STON2: variants seen among roughly 807,000 people sequenced by gnomAD.
STON2 encodes the protein stonin 2, also known as stonin-2.
A neutral mutation model predicts 65.7 loss-of-function variants in STON2; 29 were observed. The ratio of observed to expected loss-of-function variants is 0.44; its 90% CI spans 0.33 to 0.60. STON2 has a LOEUF of 0.60. Among genes scored for constraint, STON2 ranks in the 20% least tolerant of loss-of-function variants. STON2 has a pLI of 0.03. For synonymous variants in STON2, 404 were observed against 414.2 expected (o/e 0.98, Z 0.30); for missense variants, 1,054 against 1,118.1 (o/e 0.94, Z 0.82).
rs1894256034 is a variant in STON2 at position 81,263,848 on chromosome 14, C to G, written c.*4566G>C. The G allele has an allele frequency of 3.0e-6, 3 of 985,446 alleles. No individual in the cohort carries two copies. The highest frequency in any genetic ancestry group is 9.4e-5 in the South Asian group (2 of 21,282). The allele number at this position is 985,446 out of a possible 1,614,324, so 61.0% of individuals were successfully genotyped here. ...TCCCAAGGCTTTTAAGAAAAAACTT[C>G]AGCTCATTCTGTTTTCCCACCACTA... On this transcript the variant is annotated 3_prime_UTR_variant, in exon 8 of 8. Transcript: ENST00000614646.
chr14:81,269,492 G>A, intron 7 of STON2: 2 of 985,398 alleles, frequency 2.0e-6, no homozygotes, highest in African/African-American at 1.7e-5. Flanking sequence ...TTGAGCTCAG[G>A]GTTCAGGTTG....
Position 81,396,076 on chromosome 14 carries a change from G to A in STON2, c.191C>T (p.Ser64Phe), listed in dbSNP as rs1208067426. 1.2e-6 allele frequency: 2 copies of A among 1,614,146 alleles called. No homozygotes were observed. Among genetic ancestry groups the A allele is most frequent in the Non-Finnish European group, 8.5e-7 (1 of 1,180,028 alleles). ...HVVDGGSQDH[S>F]HSEQDDSSEK... is the part of the protein sequence containing the mutation. ...AGAGGAGTCATCCTGCTCCGAGTGG[G>A]AATGGTCTTGAGAGCCTCCATCCAC... Residue 64 changes from serine to phenylalanine, a missense_variant, in exon 3 of 8, where the codon TCC becomes TTC. Physicochemically the swap from Ser to Phe is radical, Grantham distance 155. Coordinates refer to ENST00000614646, the MANE Select transcript of STON2 (RefSeq NM_001394390.1).
At chr14:81,290,097 A>C (rs1895496371) in intron 5 of STON2, among the ~76,000 whole-genome samples, 1 of 152,192 alleles carries the variant, frequency 6.6e-6, no homozygotes, top group African/African-American at 2.4e-5. Context: ...GCTGGTCCTC[A>C]TCAGCCTCTT....
intron 4 of STON2, among the ~76,000 whole-genome samples, chr14:81,367,674 G>A (rs945190561): frequency 5.3e-5 from 8 of 152,174 alleles, no homozygotes; most frequent in Non-Finnish European, 7.4e-5. Context: ...AGAGCCTCAT[G>A]GGTTATTACA....
chr14:81,407,062 C>A (rs984200387), intron 2 of STON2, among the ~76,000 whole-genome samples: 12 of 152,308 alleles, frequency 7.9e-5, no homozygotes, highest in East Asian at 7.7e-4. Context: ...AGAGCCAAGG[C>A]GAGTGTCAGG....
chr14:81,334,517 A>C (rs1433815501), intron 4 of STON2, among the ~76,000 whole-genome samples: 1 of 152,072 alleles, frequency 6.6e-6, no homozygotes, highest in Admixed American at 6.5e-5. Context: ...GTGAAGAACT[A>C]GAATTTTAGG....
intron 2 of STON2, 52 bp from the exon 3 acceptor site, chr14:81,396,230 G>A (rs772836038): frequency 1.3e-6 from 2 of 1,534,916 alleles, no homozygotes; most frequent in Non-Finnish European, 1.8e-6. Flanking sequence ...GCTCTTCAGA[G>A]CCATCTCATG....
chr14:81,311,591 G>A (rs568539485), intron 5 of STON2, among the ~76,000 whole-genome samples: 16 of 152,282 alleles, frequency 1.1e-4, no homozygotes, highest in Admixed American at 8.5e-4. Context: ...TAAAATTGAC[G>A]AAAATGAGGC....
intron 4 of STON2, among the ~76,000 whole-genome samples, chr14:81,354,099 T>C (rs141488225): frequency 1.2e-4 from 19 of 152,326 alleles, no homozygotes; most frequent in African/African-American, 4.6e-4. Context: ...CCTGCAACCC[T>C]GTCTAGCTGC....
intron 4 of STON2, among the ~76,000 whole-genome samples, chr14:81,365,921 C>T (rs958578260): frequency 6.6e-6 from 1 of 152,186 alleles, no homozygotes; most frequent in Non-Finnish European, 1.5e-5. Context: ...TTCACCAACC[C>T]ATGTGAACCT....
At chr14:81,344,904 A>G (rs1351883625) in intron 4 of STON2, among the ~76,000 whole-genome samples, 1 of 152,152 alleles carries the variant, frequency 6.6e-6, no homozygotes, top group Non-Finnish European at 1.5e-5. Context: ...TTGAATTGGC[A>G]TGTAAGCCAA....
chr14:81,272,844 C>G (rs1278672676), intron 6 of STON2, among the ~76,000 whole-genome samples: 1 of 152,112 alleles, frequency 6.6e-6, no homozygotes, highest in African/African-American at 2.4e-5. Flanking sequence ...TCTGAATGAA[C>G]TAGATATTAA....
At chr14:81,407,149 T>C (rs1418314443) in intron 2 of STON2, among the ~76,000 whole-genome samples, 1 of 152,144 alleles carries the variant, frequency 6.6e-6, no homozygotes, top group Admixed American at 6.5e-5. Context: ...TGTTGCTGTT[T>C]TGTGGTTGTT....
Position 81,266,683 on chromosome 14 carries a change from C to T in STON2, c.*1731G>A. 1 of 985,232 alleles carries T rather than the reference C, an allele frequency of 1.0e-6. No individual in the cohort carries two copies. Among genetic ancestry groups the T allele is most frequent in the African/African-American group, 1.7e-5 (1 of 57,336 alleles). The allele number at this position is 985,232 out of a possible 1,614,324, so 61.0% of individuals were successfully genotyped here. A position where few individuals can be genotyped will look rare whatever the true frequency, so the allele number is the denominator to read the frequency against. On this transcript the variant is annotated 3_prime_UTR_variant, in exon 8 of 8. Coordinates refer to ENST00000614646, the MANE Select transcript of STON2 (RefSeq NM_001394390.1). ...GGCTTTTATTAACACCAGCTGACTA[C>T]ATTAGCTTTGTGAATAGCCATGATA...
chr14:81,400,703 G>A (rs1490523612), upstream of STON2, among the ~76,000 whole-genome samples: 1 of 152,106 alleles, frequency 6.6e-6, no homozygotes, highest in African/African-American at 2.4e-5. Context: ...CAGGTGTTAT[G>A]AGAAAACTGA....
At position 81,268,091 on chromosome 14, in the gene STON2, C is replaced by T. The variant is rs1051509058; in HGVS notation, c.*323G>A. On this transcript the variant is annotated 3_prime_UTR_variant, in exon 8 of 8. Transcript: ENST00000614646. ...GTTCTTTTCCTGACTGTAACAGTCA[C>T]AACAAACCACATACCAGTGCTGTGA... 1 of 1,013,150 alleles carries T rather than the reference C, an allele frequency of 9.9e-7. No individual in the cohort carries two copies. The highest frequency in any genetic ancestry group is 1.0e-4 in the East Asian group (1 of 9,926). The allele number at this position is 1,013,150 out of a possible 1,614,324, so 62.8% of individuals were successfully genotyped here. A position where few individuals can be genotyped will look rare whatever the true frequency, so the allele number is the denominator to read the frequency against.
chr14:81,419,115 A>C (rs1901581200), intron 2 of STON2, among the ~76,000 whole-genome samples: 1 of 152,114 alleles, frequency 6.6e-6, no homozygotes, highest in African/African-American at 2.4e-5. Context: ...TATCATTCTC[A>C]TATTGTATTT....
intron 4 of STON2, among the ~76,000 whole-genome samples, chr14:81,344,103 C>A (rs1212886929): frequency 2.0e-5 from 3 of 152,116 alleles, no homozygotes; most frequent in Admixed American, 2.0e-4. Flanking sequence ...AGCAAACAAG[C>A]CAGCCCCTAG....
rs546382844 is a variant in STON2 at position 81,261,935 on chromosome 14, G to A, written c.*6479C>T. The A allele has an allele frequency of 3.8e-4, 538 of 1,418,076 alleles. 3 individuals carry two copies. The African/African-American group carries it at 7.5e-3, about 20-fold the overall frequency. 87.8% of individuals were successfully genotyped at this position (1,418,076 alleles called of 1,614,324 possible). A position where few individuals can be genotyped will look rare whatever the true frequency, so the allele number is the denominator to read the frequency against. ...GAAGGTTGTCTGTTTCTGTTGTCTG[G>A]GGAAATGATAAAAAAAAAAAAAAAA... On this transcript the variant is annotated 3_prime_UTR_variant, in exon 8 of 8. Transcript: ENST00000614646.
Sources: gnomAD v4.1 joint callset for allele counts (sites outside exome capture counted in the v4.1 genomes callset) on GRCh38, gnomAD v4.1.1 for gene constraint, MANE v1.5 for transcripts, NCBI Gene and HGNC (gene_info 2026-07-23, HGNC 2026-07-21) for gene names.